MTM1: variants seen among roughly 807,000 people sequenced by gnomAD.
MTM1 encodes the protein myotubularin.
Under a neutral mutation model 52.1 loss-of-function variants are expected in MTM1, and 9 were observed. The observed-to-expected ratio is 0.17, with a 90% CI of 0.10 to 0.30. The LOEUF (loss-of-function observed/expected upper bound fraction) is 0.30. Among genes scored for constraint, MTM1 ranks in the 10% least tolerant of loss-of-function variants. The probability of loss-of-function intolerance (pLI) is 1.00; values close to 1 mark genes in which losing one functional copy is unlikely to be tolerated. For missense variants in MTM1, 277 were observed against 470.7 expected (o/e 0.59, Z 3.81); for synonymous variants, 136 against 163.8 (o/e 0.83, Z 1.29).
In MTM1 at chrX:150,612,517, C is replaced by T. The variant is rs374176404; in HGVS notation, c.232-2072C>T. 4.5e-5 allele frequency among the ~76,000 whole-genome samples: 5 copies of T among 110,141 alleles called. No homozygotes were observed. In the South Asian group the frequency reaches 2.0e-3, roughly 43 times the overall value. On this transcript the variant is annotated intron_variant, in intron 4 of 14. Transcript: ENST00000370396. ...GACCAGCCTGGACAACATAGTGAGA[C>T]CCCCCCACCATCTCTACAAAAAATA...
At chrX:150,607,931 G>T (rs2039199363) in intron 4 of MTM1, among the ~76,000 whole-genome samples, 1 of 111,608 alleles carries the variant, frequency 9.0e-6, no homozygotes, top group Middle Eastern at 4.6e-3. Flanking sequence ...AGTAGTACAG[G>T]GGCACAACAG....
chrX:150,583,804 T>G (rs868969767), intron 1 of MTM1, among the ~76,000 whole-genome samples: 1 of 50,578 alleles, frequency 2.0e-5, no homozygotes, highest in Non-Finnish European at 3.3e-5. Context: ...AAATATATAT[T>G]AAATATATAT....
At chrX:150,657,684 C>T in intron 10 of MTM1, 137 bp from the exon 11 acceptor site, 1 of 571,116 alleles carries the variant, frequency 1.8e-6, no homozygotes. Context: ...GATCCTGCAG[C>T]TCTTAGTGTT....
intron 10 of MTM1, among the ~76,000 whole-genome samples, chrX:150,654,035 C>A (rs1240736885): frequency 8.9e-6 from 1 of 111,799 alleles, no homozygotes; most frequent in African/African-American, 3.3e-5. Flanking sequence ...GTTTCAGGCC[C>A]AGGTCTTCTG....
intron 4 of MTM1, among the ~76,000 whole-genome samples, chrX:150,601,400 A>G (rs1391242926): frequency 8.9e-6 from 1 of 112,394 alleles, no homozygotes; most frequent in East Asian, 2.8e-4. Context: ...GTCCTAAGCA[A>G]GAACATTAAC....
intron 14 of MTM1, among the ~76,000 whole-genome samples, chrX:150,665,485 C>T (rs1569565543): frequency 8.9e-6 from 1 of 112,510 alleles, no homozygotes; most frequent in African/African-American, 3.2e-5. Flanking sequence ...TAGATTAAAT[C>T]GCATAGGACT....
chrX:150,629,133 A>G (rs977456791), intron 6 of MTM1, among the ~76,000 whole-genome samples: 8 of 111,174 alleles, frequency 7.2e-5, no homozygotes, highest in African/African-American at 3.3e-5. Context: ...GCAAACTTCA[A>G]CCAGTTCCTC....
intron 3 of MTM1, 141 bp downstream of exon 3, chrX:150,596,711 C>T (rs2038982947): frequency 6.2e-6 from 3 of 481,950 alleles, no homozygotes; most frequent in Non-Finnish European, 1.1e-5. Context: ...ACAGAACTCT[C>T]TGCATCCCTT....
In MTM1 at chrX:150,672,464, C is replaced by T. The variant is rs782461210; in HGVS notation, c.*869C>T. The T allele has an allele frequency of 2.7e-5, 3 of 111,781 alleles. No individual in the cohort carries two copies. Among genetic ancestry groups the T allele is most frequent in the African/African-American group, 9.7e-5 (3 of 30,782 alleles). 9.2% of individuals were successfully genotyped at this position (111,781 alleles called of 1,213,427 possible). ...CTCATCTGCCAAAATGTAGGGCTAC[C>T]GTCTTGGATGCATGAGCTATTGCTA... On this transcript the variant is annotated 3_prime_UTR_variant, in exon 15 of 15. Coordinates refer to ENST00000370396, the MANE Select transcript of MTM1 (RefSeq NM_000252.3).
At chrX:150,570,657 C>T (rs1215412777) in intron 1 of MTM1, among the ~76,000 whole-genome samples, 2 of 111,948 alleles carry the variant, frequency 1.8e-5, no homozygotes, top group East Asian at 5.6e-4. Flanking sequence ...GATTTCATGC[C>T]GGTGTCTGCT....
chrX:150,617,227 T>C (rs1159061734), intron 5 of MTM1, among the ~76,000 whole-genome samples: 2 of 112,497 alleles, frequency 1.8e-5, no homozygotes, highest in Non-Finnish European at 3.8e-5. Flanking sequence ...AATATTCATG[T>C]AGAGATGGTC....
At position 150,673,062 on chromosome X, in the gene MTM1, AT is replaced by A; in HGVS notation, c.*1471del. ...AAAGCTAATACTAATAGCCTAAAAG[AT>A]TTTGTGAAATTTCATGAAAACTTTT... On this transcript the variant is annotated 3_prime_UTR_variant, in exon 15 of 15. Coordinates refer to ENST00000370396, the MANE Select transcript of MTM1 (RefSeq NM_000252.3). 1 of 112,372 alleles carries A rather than the reference AT, an allele frequency of 8.9e-6. No homozygotes were observed. The highest frequency in any genetic ancestry group is 2.8e-4 in the East Asian group (1 of 3,629). The allele number at this position is 112,372 out of a possible 1,213,427, so 9.3% of individuals were successfully genotyped here. A position where few individuals can be genotyped will look rare whatever the true frequency, so the allele number is the denominator to read the frequency against.
At chrX:150,583,880 AATAT>A (rs1156676659) in intron 1 of MTM1, among the ~76,000 whole-genome samples, 727 of 38,457 alleles carry the variant, frequency 0.019, 56 homozygotes, top group African/African-American at 0.068. Context: ...ATATATATTA[AATAT>A]ATATATATAT....
At chrX:150,657,800 T>G (rs1557414498) in intron 10 of MTM1, 21 bp from the exon 11 acceptor site, 1 of 1,196,543 alleles carries the variant, frequency 8.4e-7, no homozygotes, top group South Asian at 1.8e-5. Context: ...CCCTACTGAC[T>G]CACGTATTTT....
intron 1 of MTM1, among the ~76,000 whole-genome samples, chrX:150,583,456 A>AT (rs782208177): frequency 0.082 from 2,715 of 32,942 alleles, 554 homozygotes; most frequent in Middle Eastern, 0.22. Context: ...TATATTATAT[A>AT]TAATTATAAA....
chrX:150,626,399 C>T (rs1303192353), intron 6 of MTM1, among the ~76,000 whole-genome samples: 3 of 111,163 alleles, frequency 2.7e-5, no homozygotes, highest in East Asian at 2.8e-4. Flanking sequence ...CTGCAACCTT[C>T]GCCTCCCCAG....
intron 9 of MTM1, 79 bp from the exon 10 acceptor site, chrX:150,649,637 A>C: frequency 1.1e-6 from 1 of 944,189 alleles, no homozygotes; most frequent in South Asian, 2.0e-5. Context: ...TTGGAGGACA[A>C]ATAACTAGAA....
intron 1 of MTM1, chrX:150,590,950 G>T (rs2038874700): frequency 1.8e-6 from 1 of 563,148 alleles, no homozygotes; most frequent in Non-Finnish European, 2.1e-6. Context: ...AAAAATTTCA[G>T]AGCAGATACA....
chrX:150,567,835 T>C (rs1468925366), upstream of MTM1, among the ~76,000 whole-genome samples: 3 of 112,626 alleles, frequency 2.7e-5, no homozygotes, highest in Admixed American at 9.4e-5. Context: ...ATTACAGGCG[T>C]GAGCCACCGC....
Sources: allele counts gnomAD v4.1 joint callset (sites outside exome capture counted in the v4.1 genomes callset), GRCh38; gene constraint gnomAD v4.1.1; transcripts MANE v1.5; gene names NCBI Gene and HGNC (gene_info 2026-07-23, HGNC 2026-07-21).